Variants in KCNN1 observed in about 807,000 individuals in gnomAD.
KCNN1 encodes small conductance calcium-activated potassium channel protein 1.
KCNN1 carries 20 observed loss-of-function variants against 44.7 expected under a neutral mutation model. The observed-to-expected ratio is 0.45, with a 90% CI of 0.32 to 0.65. The LOEUF is 0.65. Ranked by LOEUF, KCNN1 falls within the 30% of genes least tolerant of loss-of-function variation. The probability of loss-of-function intolerance (pLI) is 0.05; values close to 1 mark genes in which losing one functional copy is unlikely to be tolerated. For synonymous variants in KCNN1, 324 were observed against 341.7 expected, an observed-to-expected ratio of 0.95 and a Z score of 0.57; for missense variants, 632 against 785.3, an observed-to-expected ratio of 0.80 and a Z score of 2.33.
rs1250560986 is a variant in KCNN1 at position 17,981,857 on chromosome 19, C to T, written c.647C>T (p.Thr216Met). The T allele has an allele frequency of 1.6e-5, 26 of 1,612,484 alleles. No individual in the cohort carries two copies. Among genetic ancestry groups the T allele is most frequent in the Non-Finnish European group, 2.1e-5 (25 of 1,179,276 alleles). ...ACGTGGACGGCGCGGCTGGCCTTCA[C>T]GTACGCGCCCTCGGTGGCCGAGGCC... is the stretch of plus-strand genomic sequence containing the variant. ...RFTWTARLAF[T>M]YAPSVAEADV... Residue 216 changes from threonine (T) to methionine (M), a missense_variant, in exon 4 of 10, where the codon ACG (threonine) becomes ATG (methionine). This residue lies in a region of KCNN1 where 160 missense variants were observed against 308.3 expected (regional missense o/e 0.52). Coordinates refer to ENST00000684775, the MANE Select transcript of KCNN1 (RefSeq NM_001386974.1).
chr19:17,959,784 T>G (rs2031635409), intron 2 of KCNN1, among the ~76,000 whole-genome samples: 1 of 152,084 alleles, frequency 6.6e-6, no homozygotes, highest in Admixed American at 6.6e-5. Context: ...CAAGAGGTGC[T>G]TTTGAAATAG....
intron 1 of KCNN1, among the ~76,000 whole-genome samples, chr19:17,970,505 C>T (rs1187691237): frequency 1.3e-5 from 2 of 151,194 alleles, no homozygotes; most frequent in Non-Finnish European, 3.0e-5. Flanking sequence ...TTAGTAGAGA[C>T]AGGGTTTCAC....
Position 17,981,906 on chromosome 19 carries a change from C to T in KCNN1, c.696C>T (p.Ile232=), listed in dbSNP as rs1168649042. 6 of 1,612,858 alleles carry T rather than the reference C, an allele frequency of 3.7e-6. No homozygotes were observed. The East Asian group carries it at 6.7e-5, about 18-fold the overall frequency. The stretch of plus-strand genomic sequence containing the variant: ...CCGACGTGGACGTGCTGCTGTCCAT[C>T]CCCATGTTCCTGCGCCTCTACCTGC... The part of the protein sequence containing the change: ...AEADVDVLLS[I]PMFLRLYLLG... The change falls in exon 4 of 10, where the codon ATC becomes ATT. Residue 232 remains isoleucine, a synonymous_variant. Coordinates refer to ENST00000684775, the MANE Select transcript of KCNN1 (RefSeq NM_001386974.1).
In KCNN1 at chr19:17,981,894, G is replaced by C. The variant is rs374769129; in HGVS notation, c.684G>C (p.Val228=). 1.7e-5 allele frequency: 27 copies of C among 1,612,414 alleles called. No individual in the cohort carries two copies. The African/African-American group carries it at 3.5e-4, about 21-fold the overall frequency. Residue 228 remains valine, a synonymous_variant, in exon 4 of 10, where the codon GTG becomes GTC. Coordinates refer to ENST00000684775, the MANE Select transcript of KCNN1 (RefSeq NM_001386974.1). ...CGGTGGCCGAGGCCGACGTGGACGT[G>C]CTGCTGTCCATCCCCATGTTCCTGC... ...APSVAEADVD[V]LLSIPMFLRL...
chr19:17,953,496 C>T (rs1422743887), intron 1 of KCNN1, among the ~76,000 whole-genome samples: 2 of 152,206 alleles, frequency 1.3e-5, no homozygotes, highest in Non-Finnish European at 2.9e-5. Context: ...CCCCTGCCCT[C>T]CATGGGGTGT....
chr19:17,957,030 G>A lies in KCNN1; in HGVS notation c.-82+2349G>A, dbSNP rs546821953. ...TTGCAGCACTGCACTCCAGCCTGGCGACAAAGCGAGACTGTCTCAAAAAAC... is the reference window on the plus strand; with the variant it reads ...TTGCAGCACTGCACTCCAGCCTGGCAACAAAGCGAGACTGTCTCAAAAAAC... On this transcript the variant is annotated intron_variant, in intron 2 of 10. Transcript: ENST00000222249. Among the ~76,000 whole-genome samples, 5 of 143,818 alleles carry A rather than the reference G, an allele frequency of 3.5e-5. No homozygotes were observed. In the East Asian group the frequency reaches 6.4e-4, roughly 19 times the overall value. 94.4% of individuals were successfully genotyped at this position (143,818 alleles called of 152,430 possible).
At chr19:17,958,293 C>G (rs1285757315) in intron 2 of KCNN1, among the ~76,000 whole-genome samples, 2 of 151,846 alleles carry the variant, frequency 1.3e-5, no homozygotes, top group African/African-American at 4.8e-5. Flanking sequence ...ACAGCCTCAG[C>G]AACATGGCAA....
intron 2 of KCNN1, among the ~76,000 whole-genome samples, chr19:17,956,754 C>T (rs186919834): frequency 9.9e-5 from 15 of 151,438 alleles, no homozygotes; most frequent in Non-Finnish European, 1.6e-4. Flanking sequence ...AGAAAGAAAG[C>T]GAGAAAGAGA....
chr19:17,992,641 A>C (rs1247736970), intron 7 of KCNN1, among the ~76,000 whole-genome samples: 2 of 152,136 alleles, frequency 1.3e-5, no homozygotes, highest in Admixed American at 1.3e-4. Context: ...GAGGGCATAC[A>C]CTAACCAACT....
At chr19:17,997,031 A>G (rs572165441) in intron 9 of KCNN1, among the ~76,000 whole-genome samples, 4 of 152,306 alleles carry the variant, frequency 2.6e-5, no homozygotes, top group Non-Finnish European at 4.4e-5. Context: ...CCTGGTGGCC[A>G]GAGTGGTGTC....
chr19:17,952,113 G>A (rs536268101), intron 1 of KCNN1: 20 of 152,180 alleles, frequency 1.3e-4, no homozygotes, highest in African/African-American at 4.3e-4. Context: ...ACGCCTTGCG[G>A]GGGGGAGGGC....
intron 1 of KCNN1, among the ~76,000 whole-genome samples, chr19:17,968,506 T>C (rs2145916147): frequency 6.6e-6 from 1 of 152,094 alleles, no homozygotes; most frequent in South Asian, 2.1e-4. Context: ...CAGGGGTACC[T>C]AGGGCCCCTT....
At chr19:17,959,638 G>T (rs2031632169) in intron 2 of KCNN1, among the ~76,000 whole-genome samples, 1 of 152,110 alleles carries the variant, frequency 6.6e-6, no homozygotes, top group South Asian at 2.1e-4. Flanking sequence ...CCTGAGCTCA[G>T]GCAATCAGCC....
intron 5 of KCNN1, among the ~76,000 whole-genome samples, chr19:17,986,870 G>C (rs1430031320): frequency 6.6e-6 from 1 of 152,060 alleles, no homozygotes. Context: ...GCAACGGCAC[G>C]ATCCCAGCTC....
At chr19:17,988,713 C>A (rs758160841) in intron 6 of KCNN1, among the ~76,000 whole-genome samples, 188 bp downstream of exon 6, 2 of 152,130 alleles carry the variant, frequency 1.3e-5, no homozygotes, top group Non-Finnish European at 2.9e-5. Context: ...GAGTTCGAGA[C>A]CAGCCTGGCC....
chr19:17,972,904 C>T (rs1004011681), intron 1 of KCNN1, among the ~76,000 whole-genome samples: 2 of 152,140 alleles, frequency 1.3e-5, no homozygotes, highest in East Asian at 3.8e-4. Flanking sequence ...GTTCTAGGTG[C>T]TTGGATACAC....
chr19:17,998,503 C>A lies in KCNN1; in HGVS notation c.*97C>A. 1.6e-6 allele frequency: 2 copies of A among 1,267,268 alleles called. No homozygotes were observed. The highest frequency in any genetic ancestry group is 1.6e-5 in the South Asian group (1 of 63,258). 78.5% of individuals were successfully genotyped at this position (1,267,268 alleles called of 1,614,324 possible). A position where few individuals can be genotyped will look rare whatever the true frequency, so the allele number is the denominator to read the frequency against. On this transcript the variant is annotated 3_prime_UTR_variant, in exon 10 of 10. Coordinates refer to ENST00000684775, the MANE Select transcript of KCNN1 (RefSeq NM_001386974.1). The surrounding 1 kb of genome is among the most constrained non-coding windows in gnomAD (Gnocchi z 5.4). ...GTGGCGCCTCTTGGAGTTCAAGAAG[C>A]CAACGCTGAGTCAGGCTGAGTGGAC...
intron 4 of KCNN1, among the ~76,000 whole-genome samples, 159 bp downstream of exon 4, chr19:17,982,286 G>C (rs2032445638): frequency 6.6e-6 from 1 of 151,982 alleles, no homozygotes; most frequent in African/African-American, 2.4e-5. Context: ...CTGTCTTCCA[G>C]TTTGTGGCTT....
At position 17,999,904 on chromosome 19, in the gene KCNN1, G is replaced by A. The variant is rs1038578837; in HGVS notation, c.*1498G>A. On this transcript the variant is annotated 3_prime_UTR_variant, in exon 10 of 10. Transcript: ENST00000684775. ...GTATGAGGAGGTGCTGGTCAGACCC[G>A]GGTTCGAGTCCTGACTCTGCCACTG... 8 of 453,512 alleles carry A rather than the reference G, an allele frequency of 1.8e-5. No homozygotes were observed. Among genetic ancestry groups the A allele is most frequent in the South Asian group, 6.2e-5 (4 of 64,408 alleles). The allele number at this position is 453,512 out of a possible 1,614,324, so 28.1% of individuals were successfully genotyped here.
Sources: gnomAD v4.1 joint callset for allele counts (sites outside exome capture counted in the v4.1 genomes callset) on GRCh38, gnomAD v4.1.1 for gene constraint, gnomAD v4.1.1 regional missense constraint, Gnocchi (gnomAD v3.1) non-coding constraint, MANE v1.5 for transcripts, NCBI Gene and HGNC (gene_info 2026-07-23, HGNC 2026-07-21) for gene names.